CSMD1: variants seen among roughly 807,000 people sequenced by gnomAD.
CSMD1 encodes the protein CUB and Sushi multiple domains 1, also known as CUB and sushi domain-containing protein 1.
A neutral mutation model predicts 417.5 loss-of-function variants in CSMD1; 213 were observed. The ratio of observed to expected loss-of-function variants is 0.51; its 90% CI spans 0.46 to 0.57. The LOEUF is 0.57. Ranked by LOEUF, CSMD1 falls within the 20% of genes least tolerant of loss-of-function variation. The probability of loss-of-function intolerance (pLI) is 0.00; values close to 1 mark genes in which losing one functional copy is unlikely to be tolerated. For synonymous variants in CSMD1, 2,862 were observed against 1,736.8 expected (o/e 1.65, Z -16.11); for missense variants, 6,923 against 4,529.7 (o/e 1.53, Z -15.17).
intron 3 of CSMD1, among the ~76,000 whole-genome samples, chr8:4,313,709 A>T (rs1345336431): frequency 6.6e-6 from 1 of 152,112 alleles, no homozygotes; most frequent in Non-Finnish European, 1.5e-5. Context: ...CTCTAAGGTC[A>T]TATGACTTAA....
In CSMD1 at chr8:3,824,725, C is replaced by T. The variant is rs139288989; in HGVS notation, c.819-70683G>A. Among the ~76,000 whole-genome samples the T allele has an allele frequency of 2.0e-3, 310 of 152,130 alleles. 1 individual carries two copies. The highest frequency in any genetic ancestry group is 5.2e-3 in the South Asian group (25 of 4,812). ...TATCTTTTTACTCCTTTTAATTTGG[C>T]TACTAGAGAATTAAAATGAGATGTG... is the stretch of plus-strand genomic sequence containing the variant. On this transcript the variant is annotated intron_variant, in intron 5 of 69. Transcript: ENST00000635120.
chr8:4,384,313 C>T lies in CSMD1; in HGVS notation c.415+35640G>A, dbSNP rs911589676. On this transcript the variant is annotated intron_variant, in intron 3 of 69. Coordinates refer to ENST00000635120, the MANE Select transcript of CSMD1 (RefSeq NM_033225.6). ...AATTAAGATCCATAAAGGGCAGTTCCGAAATCTACCTCATGGCAACGCACA... is the reference window on the plus strand; with the variant it reads ...AATTAAGATCCATAAAGGGCAGTTCTGAAATCTACCTCATGGCAACGCACA... 6.6e-5 allele frequency among the ~76,000 whole-genome samples: 10 copies of T among 152,212 alleles called. No individual in the cohort carries two copies. The South Asian group carries it at 1.0e-3, about 16-fold the overall frequency.
At chr8:3,690,982 T>C (rs1800206792) in intron 7 of CSMD1, among the ~76,000 whole-genome samples, 1 of 152,138 alleles carries the variant, frequency 6.6e-6, no homozygotes, top group Non-Finnish European at 1.5e-5. Flanking sequence ...TGTTTGTGTG[T>C]GAGGGTGGGG....
intron 2 of CSMD1, among the ~76,000 whole-genome samples, chr8:4,439,774 G>A (rs1418662636): frequency 6.6e-6 from 1 of 152,112 alleles, no homozygotes; most frequent in Non-Finnish European, 1.5e-5. Flanking sequence ...AGAATCCTAA[G>A]CCTACAAATA....
At chr8:4,077,841 G>C (rs755311019) in intron 3 of CSMD1, among the ~76,000 whole-genome samples, 3 of 152,004 alleles carry the variant, frequency 2.0e-5, no homozygotes, top group Admixed American at 2.0e-4. Context: ...AAACCAAATT[G>C]AGCCTAAATA....
At position 4,621,634 on chromosome 8, in the gene CSMD1, A is replaced by G. The variant is rs568717199; in HGVS notation, c.302+15708T>C. ...TATCTAGAAATCACATCAAAATTAC[A>G]CAGTTTTAGAAACAGAGGAGAAAAC... On this transcript the variant is annotated intron_variant, in intron 2 of 69. Transcript: ENST00000635120. Among the ~76,000 whole-genome samples, 4 of 152,244 alleles carry G rather than the reference A, an allele frequency of 2.6e-5. No individual in the cohort carries two copies. In the South Asian group the frequency reaches 6.2e-4, roughly 24 times the overall value.
intron 1 of CSMD1, among the ~76,000 whole-genome samples, chr8:4,780,537 T>C (rs1051354880): frequency 1.3e-5 from 2 of 152,190 alleles, no homozygotes; most frequent in African/African-American, 4.8e-5. Flanking sequence ...TGATGTTTTG[T>C]GCCCAAGGTC....
At chr8:3,300,624 C>G (rs539441996) in intron 25 of CSMD1, among the ~76,000 whole-genome samples, 1 of 152,020 alleles carries the variant, frequency 6.6e-6, no homozygotes, top group African/African-American at 2.4e-5. Context: ...CAAAGATTTA[C>G]TTACAAGACT....
At chr8:4,195,392 T>C (rs1799272265) in intron 3 of CSMD1, among the ~76,000 whole-genome samples, 1 of 152,186 alleles carries the variant, frequency 6.6e-6, no homozygotes, top group Non-Finnish European at 1.5e-5. Context: ...TTTAAAATTA[T>C]AAAATCTGTT....
chr8:4,589,938 C>G (rs1295364075), intron 2 of CSMD1, among the ~76,000 whole-genome samples: 1 of 152,184 alleles, frequency 6.6e-6, no homozygotes, highest in African/African-American at 2.4e-5. Flanking sequence ...AACCCACACA[C>G]TGGACCTGGA....
intron 5 of CSMD1, among the ~76,000 whole-genome samples, chr8:3,961,535 G>A (rs78038124): frequency 9.9e-5 from 15 of 152,212 alleles, no homozygotes; most frequent in Admixed American, 6.5e-4. Context: ...GAAGACAATA[G>A]GAAATCTATC....
At chr8:3,789,061 T>G (rs2129066634) in intron 5 of CSMD1, among the ~76,000 whole-genome samples, 1 of 152,304 alleles carries the variant, frequency 6.6e-6, no homozygotes, top group East Asian at 1.9e-4. Flanking sequence ...CCTCCAAAAT[T>G]CATATGCTAA....
intron 2 of CSMD1, among the ~76,000 whole-genome samples, chr8:4,454,511 G>C (rs117073512): frequency 6.6e-6 from 1 of 152,262 alleles, no homozygotes; most frequent in East Asian, 1.9e-4. Context: ...ATCCTTGGAA[G>C]CAAAGAAAAA....
At chr8:3,120,786 G>A (rs1434577276) in intron 41 of CSMD1, among the ~76,000 whole-genome samples, 1 of 152,090 alleles carries the variant, frequency 6.6e-6, no homozygotes, top group Non-Finnish European at 1.5e-5. Flanking sequence ...GCAGAAGGTT[G>A]CAGTGAGCCG....
chr8:3,892,681 T>A (rs963868713), intron 5 of CSMD1, among the ~76,000 whole-genome samples: 1 of 151,318 alleles, frequency 6.6e-6, no homozygotes, highest in Non-Finnish European at 1.5e-5. Flanking sequence ...TCAAGGTGAA[T>A]TAAGTAGGCA....
rs1374672809 is a variant in CSMD1 at position 3,556,511 on chromosome 8, C to T, written c.1344+18434G>A. ...TCAAACAAAATACAAACTTCTTTTT[C>T]ACACGCACACACACACACACACACA... On this transcript the variant is annotated intron_variant, in intron 10 of 69. Transcript: ENST00000635120. Among the ~76,000 whole-genome samples, 3 of 79,996 alleles carry T rather than the reference C, an allele frequency of 3.8e-5. No homozygotes were observed. In the Admixed American group the frequency reaches 3.9e-4, roughly 10 times the overall value. 52.5% of individuals were successfully genotyped at this position (79,996 alleles called of 152,430 possible).
chr8:4,392,032 C>A (rs1056128759), intron 3 of CSMD1, among the ~76,000 whole-genome samples: 2 of 152,142 alleles, frequency 1.3e-5, no homozygotes, highest in African/African-American at 4.8e-5. Context: ...AAGTGAGTCC[C>A]AGGGTTTTGG....
At chr8:3,790,120 T>C (rs1426358084) in intron 5 of CSMD1, among the ~76,000 whole-genome samples, 1 of 152,228 alleles carries the variant, frequency 6.6e-6, no homozygotes, top group Non-Finnish European at 1.5e-5. Flanking sequence ...CTGCTTATAG[T>C]TATTTTCGAA....
intron 1 of CSMD1, among the ~76,000 whole-genome samples, chr8:4,954,963 T>C (rs1483468711): frequency 2.0e-5 from 3 of 152,206 alleles, no homozygotes; most frequent in Non-Finnish European, 2.9e-5. Flanking sequence ...TTTTATCTTT[T>C]AGAATGTTCC....
Sources: gnomAD v4.1 joint callset for allele counts (sites outside exome capture counted in the v4.1 genomes callset) on GRCh38, gnomAD v4.1.1 for gene constraint, MANE v1.5 for transcripts, NCBI Gene and HGNC (gene_info 2026-07-23, HGNC 2026-07-21) for gene names.